The following GALNTL6 variants were observed in gnomAD, a reference collection of about 807,000 sequenced individuals.
GALNTL6 encodes the protein polypeptide N-acetylgalactosaminyltransferase-like 6.
GALNTL6 carries 46 observed loss-of-function variants against 73.7 expected under a neutral mutation model. The observed-to-expected ratio is 0.62, with a 90% confidence interval of 0.49 to 0.80. The LOEUF is 0.80. Among genes scored for constraint, GALNTL6 ranks in the 30% least tolerant of loss-of-function variants. The pLI is 0.00. For synonymous variants in GALNTL6, 259 were observed against 263.7 expected, an observed-to-expected ratio of 0.98 and a Z score of 0.17; for missense variants, 604 against 755.0, an observed-to-expected ratio of 0.80 and a Z score of 2.34.
chr4:172,336,438 ATT>A (rs143454987), intron 4 of GALNTL6, among the ~76,000 whole-genome samples: 58 of 136,752 alleles, frequency 4.2e-4, no homozygotes, highest in East Asian at 8.6e-4. Flanking sequence ...TGCCCAGCTA[ATT>A]TTTTTTTTTT....
At chr4:171,848,391 T>G (rs1735431259) in intron 2 of GALNTL6, among the ~76,000 whole-genome samples, 1 of 152,188 alleles carries the variant, frequency 6.6e-6, no homozygotes, top group Non-Finnish European at 1.5e-5. Context: ...ATGGTAAGGT[T>G]TAGCATTGGC....
intron 5 of GALNTL6, among the ~76,000 whole-genome samples, chr4:172,529,564 A>G (rs1261336735): frequency 6.6e-6 from 1 of 152,144 alleles, no homozygotes; most frequent in Non-Finnish European, 1.5e-5. Context: ...TTCTAAAATA[A>G]ACACCTGTAC....
intron 5 of GALNTL6, among the ~76,000 whole-genome samples, chr4:172,652,821 G>A (rs1022904536): frequency 2.0e-5 from 3 of 152,024 alleles, no homozygotes; most frequent in Non-Finnish European, 4.4e-5. Flanking sequence ...CAATAGATAG[G>A]ATTCCTTCCT....
intron 10 of GALNTL6, among the ~76,000 whole-genome samples, chr4:173,006,820 TC>T (rs1473914274): frequency 2.6e-5 from 4 of 152,194 alleles, no homozygotes; most frequent in Admixed American, 6.5e-5. Flanking sequence ...CTTGGACATA[TC>T]CACTTATAGT....
At chr4:173,010,518 G>A (rs1752499036) in intron 11 of GALNTL6, among the ~76,000 whole-genome samples, 1 of 151,836 alleles carries the variant, frequency 6.6e-6, no homozygotes, top group Admixed American at 6.6e-5. Context: ...CTTTCTTTTG[G>A]GTATACACCC....
chr4:172,503,798 A>C (rs964518833), intron 5 of GALNTL6, among the ~76,000 whole-genome samples: 3 of 152,080 alleles, frequency 2.0e-5, no homozygotes, highest in African/African-American at 4.8e-5. Context: ...AGAGGCAATA[A>C]AGTTTACATC....
At chr4:172,449,444 C>A (rs1021013319) in intron 5 of GALNTL6, among the ~76,000 whole-genome samples, 3 of 152,186 alleles carry the variant, frequency 2.0e-5, no homozygotes, top group Non-Finnish European at 4.4e-5. Flanking sequence ...CTCACCACCC[C>A]ACTGAAATAC....
chr4:172,824,545 A>G (rs957928795), intron 7 of GALNTL6, among the ~76,000 whole-genome samples: 3 of 151,996 alleles, frequency 2.0e-5, no homozygotes, highest in Non-Finnish European at 4.4e-5. Context: ...TGTATGTGTA[A>G]ATTTTGCTTG....
intron 5 of GALNTL6, among the ~76,000 whole-genome samples, chr4:172,751,885 G>A (rs991950462): frequency 2.0e-5 from 3 of 152,182 alleles, no homozygotes; most frequent in Admixed American, 6.5e-5. Context: ...AGTTTCACTG[G>A]GAAGGTACAA....
chr4:172,892,486 G>T (rs1168739858), intron 8 of GALNTL6, among the ~76,000 whole-genome samples: 1 of 152,106 alleles, frequency 6.6e-6, no homozygotes, highest in Admixed American at 6.6e-5. Flanking sequence ...TTTTTCTTTA[G>T]TGGTGTAATT....
intron 2 of GALNTL6, among the ~76,000 whole-genome samples, chr4:172,143,654 C>T (rs1733855938): frequency 6.6e-6 from 1 of 152,084 alleles, no homozygotes; most frequent in Non-Finnish European, 1.5e-5. Context: ...TTAAAATTTA[C>T]AGCCACATTG....
At chr4:172,922,739 GA>G (rs1747858295) in intron 8 of GALNTL6, among the ~76,000 whole-genome samples, 1 of 152,210 alleles carries the variant, frequency 6.6e-6, no homozygotes, top group African/African-American at 2.4e-5. Context: ...AATATTTATT[GA>G]GTGTCTTCTA....
intron 5 of GALNTL6, among the ~76,000 whole-genome samples, chr4:172,364,151 A>T (rs1363546577): frequency 6.6e-6 from 1 of 152,210 alleles, no homozygotes; most frequent in Non-Finnish European, 1.5e-5. Flanking sequence ...TGGGCATGGT[A>T]GCTCATGCCT....
At chr4:172,666,269 C>T (rs1472692359) in intron 5 of GALNTL6, among the ~76,000 whole-genome samples, 4 of 152,060 alleles carry the variant, frequency 2.6e-5, no homozygotes, top group African/African-American at 4.8e-5. Flanking sequence ...TGAATCTTTG[C>T]GTGTCCAAAT....
At chr4:171,913,583 T>A (rs1003577208) in intron 2 of GALNTL6, among the ~76,000 whole-genome samples, 6 of 152,360 alleles carry the variant, frequency 3.9e-5, no homozygotes, top group African/African-American at 1.4e-4. Context: ...CATATAAATC[T>A]ATATTTGTTT....
At chr4:172,214,539 A>G (rs1308628191) in intron 2 of GALNTL6, among the ~76,000 whole-genome samples, 2 of 143,382 alleles carry the variant, frequency 1.4e-5, no homozygotes, top group Non-Finnish European at 3.0e-5. Context: ...TTTTTGAGAC[A>G]GAGTCTCCTC....
In GALNTL6 at chr4:171,910,823, G is replaced by T. The variant is rs1005247483; in HGVS notation, c.138+96105G>T. On this transcript the variant is annotated intron_variant, in intron 2 of 12. Coordinates refer to ENST00000506823, the MANE Select transcript of GALNTL6 (RefSeq NM_001034845.3). ...TATTTTTTTCTTAATCAACAGGTTG[G>T]TACTCATAATATTTATATACCATGT... is the stretch of plus-strand genomic sequence containing the variant. Among the ~76,000 whole-genome samples, 4 of 151,954 alleles carry T rather than the reference G, an allele frequency of 2.6e-5. 1 individual carries two copies. The highest frequency in any genetic ancestry group is 1.9e-4 in the East Asian group (1 of 5,170).
intron 2 of GALNTL6, among the ~76,000 whole-genome samples, chr4:171,863,925 T>C (rs1190660251): frequency 6.7e-6 from 1 of 149,432 alleles, no homozygotes; most frequent in East Asian, 2.0e-4. Flanking sequence ...GCCCAGCTAA[T>C]TTTTTTTTTG....
intron 2 of GALNTL6, among the ~76,000 whole-genome samples, chr4:171,831,039 T>C (rs1734956647): frequency 6.6e-6 from 1 of 152,118 alleles, no homozygotes. Context: ...GCACACTTCA[T>C]TAAAAGAAGT....
Sources: allele counts gnomAD v4.1 joint callset (sites outside exome capture counted in the v4.1 genomes callset), GRCh38; gene constraint gnomAD v4.1.1; transcripts MANE v1.5; gene names NCBI Gene and HGNC (gene_info 2026-07-23, HGNC 2026-07-21).